OSBPL11: variants seen among roughly 807,000 people sequenced by gnomAD.
The protein encoded by OSBPL11 is oxysterol binding protein like 11.
A neutral mutation model predicts 84.4 loss-of-function variants in OSBPL11; 33 were observed. The ratio of observed to expected loss-of-function variants is 0.39; its 90% CI spans 0.30 to 0.52. OSBPL11 has a LOEUF of 0.52. Ranked by LOEUF, OSBPL11 falls within the 20% of genes least tolerant of loss-of-function variation. The pLI is 0.72. For missense variants in OSBPL11, 736 were observed against 901.1 expected (o/e 0.82, Z 2.35); for synonymous variants, 276 against 310.2 (o/e 0.89, Z 1.16).
chr3:125,551,854 A>G (rs1054057905), intron 9 of OSBPL11, among the ~76,000 whole-genome samples: 1 of 152,124 alleles, frequency 6.6e-6, no homozygotes, highest in Non-Finnish European at 1.5e-5. Flanking sequence ...AATTTACATT[A>G]GTTCATAGAT....
intron 6 of OSBPL11, among the ~76,000 whole-genome samples, chr3:125,564,911 T>A (rs1274928141): frequency 1.3e-5 from 2 of 152,214 alleles, no homozygotes; most frequent in Admixed American, 6.5e-5. Flanking sequence ...TGACTCCGCA[T>A]CCCAAAGTGC....
chr3:125,575,375 T>C (rs890750322), intron 5 of OSBPL11, among the ~76,000 whole-genome samples: 3 of 152,154 alleles, frequency 2.0e-5, no homozygotes, highest in Non-Finnish European at 2.9e-5. Flanking sequence ...ATCAGTTATA[T>C]ATATAAAAGT....
intron 10 of OSBPL11, among the ~76,000 whole-genome samples, chr3:125,543,124 A>ATT (rs60571172): frequency 6.7e-3 from 661 of 99,226 alleles, no homozygotes; most frequent in Non-Finnish European, 9.5e-3. Flanking sequence ...GGCTAGTAAG[A>ATT]TTTTTTTTTT....
rs1351429611 is a variant in OSBPL11, at chr3:125,567,404, T to C, written c.858A>G (p.Ser286=). 1 of 1,612,702 alleles carries C rather than the reference T, an allele frequency of 6.2e-7. No homozygotes were observed. Among genetic ancestry groups the C allele is most frequent in the African/African-American group, 1.3e-5 (1 of 74,870 alleles). The part of the protein sequence containing the change: ...QLQHASHQKG[S]LPSGTTIEWL... ...TAATCGACAACTTACCTGAAGGCAA[T>C]GAGCCCTTCTGATGTGATGCATGCT... is the stretch of plus-strand genomic sequence containing the variant. The change falls in exon 6 of 13, where the codon TCA becomes TCG. Residue 286 remains serine, a synonymous_variant. Transcript: ENST00000296220.
In OSBPL11 at chr3:125,528,991, ACT is replaced by A. The variant is rs1445355269; in HGVS notation, c.*1522_*1523del. On this transcript the variant is annotated 3_prime_UTR_variant, in exon 13 of 13. Transcript: ENST00000296220. ...CATTAAAATTGTTGTACACAAACCA[ACT>A]CTTTTTCTTATAATTTACAATTTGT... 2.0e-5 allele frequency: 3 copies of A among 152,478 alleles called. No homozygotes were observed. Among genetic ancestry groups the A allele is most frequent in the Admixed American group, 1.3e-4 (2 of 15,254 alleles). 9.4% of individuals were successfully genotyped at this position (152,478 alleles called of 1,614,324 possible). A position where few individuals can be genotyped will look rare whatever the true frequency, so the allele number is the denominator to read the frequency against.
intron 6 of OSBPL11, among the ~76,000 whole-genome samples, chr3:125,564,163 CT>C (rs1453969402): frequency 7.9e-5 from 12 of 152,146 alleles, no homozygotes; most frequent in African/African-American, 2.4e-4. Context: ...GTCTTTGTCC[CT>C]CTACTGATTA....
Position 125,594,485 on chromosome 3 carries a change from T to TA in OSBPL11, c.164+151dup, listed in dbSNP as rs746879084. On this transcript the variant is annotated intron_variant, in intron 1 of 12. Coordinates refer to ENST00000296220, the MANE Select transcript of OSBPL11 (RefSeq NM_022776.5). Reference sequence around the variant, plus strand: ...GAACAAATGAATGGATTAAATCTTTTAGGCGAGGTCCCAGATCCAAACGAG... The same window carrying TA: ...GAACAAATGAATGGATTAAATCTTTTAAGGCGAGGTCCCAGATCCAAACGAG... The TA allele has an allele frequency of 8.9e-5, 78 of 877,676 alleles. No individual in the cohort carries two copies. The South Asian group carries it at 1.1e-3, about 12-fold the overall frequency. 54.4% of individuals were successfully genotyped at this position (877,676 alleles called of 1,614,324 possible). A position where few individuals can be genotyped will look rare whatever the true frequency, so the allele number is the denominator to read the frequency against.
chr3:125,547,991 C>T (rs1935844217), intron 9 of OSBPL11, among the ~76,000 whole-genome samples: 1 of 152,174 alleles, frequency 6.6e-6, no homozygotes, highest in Non-Finnish European at 1.5e-5. Flanking sequence ...ATTCTCCTGC[C>T]TCAGCCTCCC....
At chr3:125,542,163 A>G (rs1935738158) in intron 10 of OSBPL11, among the ~76,000 whole-genome samples, 1 of 152,256 alleles carries the variant, frequency 6.6e-6, no homozygotes, top group Non-Finnish European at 1.5e-5. Context: ...AGCAGCATGT[A>G]ACAGAAACAG....
At chr3:125,565,122 G>A (rs2107601684) in intron 6 of OSBPL11, among the ~76,000 whole-genome samples, 1 of 152,308 alleles carries the variant, frequency 6.6e-6, no homozygotes, top group South Asian at 2.1e-4. Context: ...GCATGTGCCT[G>A]TAGTCCTAGC....
intron 1 of OSBPL11, among the ~76,000 whole-genome samples, chr3:125,585,328 G>A (rs372946449): frequency 2.6e-5 from 4 of 151,816 alleles, no homozygotes; most frequent in East Asian, 1.9e-4. Flanking sequence ...ATGGAGTTTC[G>A]TAAAGATGGG....
chr3:125,561,215 C>A (rs2107599795), intron 7 of OSBPL11, among the ~76,000 whole-genome samples: 1 of 152,324 alleles, frequency 6.6e-6, no homozygotes. Flanking sequence ...CCAGGCTGGT[C>A]TCAAATTCCT....
chr3:125,592,798 T>TA (rs1936618176), intron 1 of OSBPL11, among the ~76,000 whole-genome samples: 1 of 151,100 alleles, frequency 6.6e-6, no homozygotes, highest in Admixed American at 6.6e-5. Context: ...AGGAAATGTA[T>TA]AAAAAACACA....
At chr3:125,540,327 T>TAAAA (rs1935710425) in intron 10 of OSBPL11, among the ~76,000 whole-genome samples, 1 of 31,308 alleles carries the variant, frequency 3.2e-5, no homozygotes, top group African/African-American at 2.2e-4. Flanking sequence ...TGGCTCTGTC[T>TAAAA]CAAAAAAAAA....
chr3:125,560,623 A>C, intron 7 of OSBPL11, 104 bp from the exon 8 acceptor site: 6 of 1,117,880 alleles, frequency 5.4e-6, no homozygotes, highest in Non-Finnish European at 7.1e-6. Flanking sequence ...TATTTGACCT[A>C]AGTGAATCTG....
chr3:125,548,043 A>T (rs974054369), intron 9 of OSBPL11, among the ~76,000 whole-genome samples: 11 of 151,860 alleles, frequency 7.2e-5, no homozygotes, highest in African/African-American at 2.4e-4. Flanking sequence ...TACCTAGCTA[A>T]TTTTTTTGTA....
chr3:125,577,334 C>T (rs1222251440), intron 4 of OSBPL11, among the ~76,000 whole-genome samples: 1 of 152,114 alleles, frequency 6.6e-6, no homozygotes, highest in African/African-American at 2.4e-5. Flanking sequence ...ACTCTCCTTT[C>T]ACCTTGAAAA....
chr3:125,570,973 T>C (rs1280074000), intron 5 of OSBPL11, among the ~76,000 whole-genome samples: 1 of 152,100 alleles, frequency 6.6e-6, no homozygotes, highest in Non-Finnish European at 1.5e-5. Flanking sequence ...TTGGAACAGT[T>C]TGGAGGTCTC....
chr3:125,572,520 G>A (rs200472903), intron 5 of OSBPL11, among the ~76,000 whole-genome samples: 1 of 152,136 alleles, frequency 6.6e-6, no homozygotes, highest in Non-Finnish European at 1.5e-5. Flanking sequence ...GACCCAGTGG[G>A]AGGTAACTGA....
Sources: gnomAD v4.1 joint callset for allele counts (sites outside exome capture counted in the v4.1 genomes callset) on GRCh38, gnomAD v4.1.1 for gene constraint, MANE v1.5 for transcripts, NCBI Gene and HGNC (gene_info 2026-07-23, HGNC 2026-07-21) for gene names.